Variants in SCHIP1 observed in about 807,000 individuals in gnomAD.
The protein encoded by SCHIP1 is schwannomin interacting protein 1, also known as schwannomin-interacting protein 1.
SCHIP1 carries 8 observed loss-of-function variants against 29.7 expected under a neutral mutation model. The observed-to-expected ratio is 0.27, with a 90% CI of 0.16 to 0.49. SCHIP1 has a LOEUF of 0.49. Among genes scored for constraint, SCHIP1 ranks in the 20% least tolerant of loss-of-function variants. The probability of loss-of-function intolerance (pLI) is 0.99; values close to 1 mark genes in which losing one functional copy is unlikely to be tolerated. For missense variants in SCHIP1, 193 were observed against 294.6 expected (o/e 0.66, Z 2.52); for synonymous variants, 76 against 94.9 (o/e 0.80, Z 1.16).
At chr3:159,754,122 T>C in the SCHIP1 span, among the ~76,000 whole-genome samples, 38 of 152,368 alleles carry the variant, frequency 2.5e-4, no homozygotes, top group Non-Finnish European at 4.3e-4. Context: ...CCTCAGTGCC[T>C]GACACATAGT....
chr3:159,853,718 T>C (rs1210409156), intron 1 of SCHIP1, among the ~76,000 whole-genome samples: 1 of 152,254 alleles, frequency 6.6e-6, no homozygotes, highest in Non-Finnish European at 1.5e-5. Context: ...CTATTATGCA[T>C]TTAACTGCTA....
chr3:159,324,020 C>T, the SCHIP1 span, among the ~76,000 whole-genome samples: 1 of 152,032 alleles, frequency 6.6e-6, no homozygotes, highest in Non-Finnish European at 1.5e-5. Context: ...GTTTACCTTC[C>T]CGGATTGTTA....
chr3:159,623,810 T>C, the SCHIP1 span, among the ~76,000 whole-genome samples: 1 of 152,080 alleles, frequency 6.6e-6, no homozygotes, highest in Non-Finnish European at 1.5e-5. Flanking sequence ...AGGATCACAT[T>C]TAAGCTCTGC....
intron 2 of SCHIP1, among the ~76,000 whole-genome samples, chr3:159,881,748 TA>T (rs1169114609): frequency 1.3e-5 from 2 of 152,186 alleles, no homozygotes; most frequent in Non-Finnish European, 2.9e-5. Flanking sequence ...GTAATTTTTT[TA>T]AAAAGCCATC....
At chr3:159,772,508 A>C in the SCHIP1 span, among the ~76,000 whole-genome samples, 1 of 152,184 alleles carries the variant, frequency 6.6e-6, no homozygotes, top group Non-Finnish European at 1.5e-5. Context: ...CAGTCCAACT[A>C]TCTTAAGTCC....
At chr3:159,684,921 T>G in the SCHIP1 span, among the ~76,000 whole-genome samples, 1 of 151,572 alleles carries the variant, frequency 6.6e-6, no homozygotes, top group South Asian at 2.1e-4. Context: ...TTCCTCGAAA[T>G]GCAGCTGGAT....
intron 2 of SCHIP1, among the ~76,000 whole-genome samples, chr3:159,879,136 G>A (rs910763553): frequency 6.6e-6 from 1 of 151,906 alleles, no homozygotes; most frequent in African/African-American, 2.4e-5. Flanking sequence ...TTATTCATAA[G>A]ATTAGTATTT....
chr3:159,334,032 A>G, the SCHIP1 span, among the ~76,000 whole-genome samples: 1 of 152,220 alleles, frequency 6.6e-6, no homozygotes, highest in Non-Finnish European at 1.5e-5. Context: ...ATATAGCTCA[A>G]TATCTTAGTC....
At chr3:159,688,448 G>GT in the SCHIP1 span, among the ~76,000 whole-genome samples, 3 of 151,870 alleles carry the variant, frequency 2.0e-5, no homozygotes, top group Non-Finnish European at 2.9e-5. Context: ...TGATGGAGTT[G>GT]TTTTTTTCTG....
At chr3:159,551,434 C>T in the SCHIP1 span, among the ~76,000 whole-genome samples, 50 of 152,244 alleles carry the variant, frequency 3.3e-4, no homozygotes, top group Non-Finnish European at 5.4e-4. Flanking sequence ...CTTTTCCTCC[C>T]CCTTTATCAC....
chr3:159,528,972 C>A, the SCHIP1 span, among the ~76,000 whole-genome samples: 1 of 152,138 alleles, frequency 6.6e-6, no homozygotes, highest in African/African-American at 2.4e-5. Flanking sequence ...CAACTTGAGA[C>A]CAGCTACCTG....
chr3:159,273,310 G>A, the SCHIP1 span: 1 of 986,054 alleles, frequency 1.0e-6, no homozygotes, highest in Non-Finnish European at 1.2e-6. Flanking sequence ...GCAGACCGAG[G>A]CTGGGGCGAG....
At chr3:159,417,381 A>G in the SCHIP1 span, among the ~76,000 whole-genome samples, 3 of 152,206 alleles carry the variant, frequency 2.0e-5, no homozygotes, top group Non-Finnish European at 4.4e-5. Context: ...CCGATAGAAA[A>G]GTATTTCTTA....
chr3:159,532,216 CT>C, the SCHIP1 span, among the ~76,000 whole-genome samples: 1 of 151,864 alleles, frequency 6.6e-6, no homozygotes, highest in Non-Finnish European at 1.5e-5. Flanking sequence ...TTCTAAGTAT[CT>C]TTTAGCTGTT....
the SCHIP1 span, among the ~76,000 whole-genome samples, chr3:159,370,163 G>A: frequency 6.6e-6 from 1 of 152,208 alleles, no homozygotes; most frequent in Non-Finnish European, 1.5e-5. Context: ...TCCAAATGGA[G>A]TAAAGACCAG....
chr3:159,888,153 A>G (rs906109015), intron 4 of SCHIP1: 3 of 533,954 alleles, frequency 5.6e-6, no homozygotes, highest in Non-Finnish European at 9.9e-6. Context: ...CTTAGCAACA[A>G]TATTAGCTGC....
chr3:159,390,858 GA>G, the SCHIP1 span, among the ~76,000 whole-genome samples: 1 of 151,950 alleles, frequency 6.6e-6, no homozygotes, highest in Middle Eastern at 3.4e-3. Context: ...CTCAGGGAGA[GA>G]AAAAAATTAA....
chr3:159,359,120 G>T, the SCHIP1 span, among the ~76,000 whole-genome samples: 1 of 151,602 alleles, frequency 6.6e-6, no homozygotes, highest in Non-Finnish European at 1.5e-5. Context: ...TAGAGACAGG[G>T]TTTCACCATG....
chr3:159,543,228 C>T, the SCHIP1 span, among the ~76,000 whole-genome samples: 1 of 149,930 alleles, frequency 6.7e-6, no homozygotes, highest in Non-Finnish European at 1.5e-5. Flanking sequence ...TATTATTATA[C>T]TTTAAGTTTT....
Sources: gnomAD v4.1 joint callset for allele counts (sites outside exome capture counted in the v4.1 genomes callset) on GRCh38, gnomAD v4.1.1 for gene constraint, MANE v1.5 for transcripts, NCBI Gene and HGNC (gene_info 2026-07-23, HGNC 2026-07-21) for gene names.